DYNC1I1: variants seen among roughly 807,000 people sequenced by gnomAD.
DYNC1I1 encodes dynein cytoplasmic 1 intermediate chain 1.
Under a neutral mutation model 86.6 loss-of-function variants are expected in DYNC1I1, and 43 were observed. That is an observed-to-expected ratio of 0.50 (90% CI 0.39 to 0.64). The LOEUF (loss-of-function observed/expected upper bound fraction) is 0.64, where lower values mean the gene tolerates loss of function less well. DYNC1I1 is among the 30% of genes least tolerant of loss of function. The pLI, the probability that DYNC1I1 is intolerant of heterozygous loss-of-function variation, is 0.00. For synonymous variants in DYNC1I1, 262 were observed against 283.7 expected, an observed-to-expected ratio of 0.92 and a Z score of 0.77; for missense variants, 604 against 788.8, an observed-to-expected ratio of 0.77 and a Z score of 2.81.
At chr7:95,842,889 AAT>A (rs1491151096) in intron 5 of DYNC1I1, among the ~76,000 whole-genome samples, 3 of 108,788 alleles carry the variant, frequency 2.8e-5, no homozygotes, top group African/African-American at 1.6e-4. Flanking sequence ...AGACATTGTG[AAT>A]TTTTTTTTTT....
intron 14 of DYNC1I1, among the ~76,000 whole-genome samples, chr7:96,044,191 GTC>G (rs1297423803): frequency 6.6e-6 from 1 of 152,148 alleles, no homozygotes; most frequent in Non-Finnish European, 1.5e-5. Context: ...ATTGATATTA[GTC>G]TCTCTATCTC....
At chr7:96,094,016 T>G (rs1790924641) in intron 16 of DYNC1I1, among the ~76,000 whole-genome samples, 2 of 152,150 alleles carry the variant, frequency 1.3e-5, no homozygotes, top group African/African-American at 4.8e-5. Context: ...ACAACAGATA[T>G]CAGGAAATGT....
intron 6 of DYNC1I1, among the ~76,000 whole-genome samples, chr7:95,954,539 ATAAAAGCTGAATGC>A (rs1792651904): frequency 1.3e-5 from 2 of 152,118 alleles, no homozygotes; most frequent in African/African-American, 4.8e-5. Context: ...GGCATAAGCA[ATAAAAGCTGAATGC>A]TAAAACTCAA....
At chr7:95,877,641 T>G (rs1790344401) in intron 6 of DYNC1I1, among the ~76,000 whole-genome samples, 2 of 152,202 alleles carry the variant, frequency 1.3e-5, no homozygotes, top group Non-Finnish European at 2.9e-5. Flanking sequence ...AAGAAAAGAC[T>G]GGTAGATGTG....
At chr7:95,925,337 G>A (rs748106967) in intron 6 of DYNC1I1, among the ~76,000 whole-genome samples, 1 of 152,106 alleles carries the variant, frequency 6.6e-6, no homozygotes, top group Non-Finnish European at 1.5e-5. Context: ...GGATCTAATG[G>A]GTTGTCTGAA....
intron 7 of DYNC1I1, among the ~76,000 whole-genome samples, chr7:95,984,330 A>G (rs62467723): frequency 0.096 from 14,634 of 152,212 alleles, 731 homozygotes; most frequent in Admixed American, 0.12. Context: ...ACCATTTAAA[A>G]TAAAATGAAT....
intron 15 of DYNC1I1, among the ~76,000 whole-genome samples, chr7:96,076,744 T>C (rs1298177141): frequency 3.9e-5 from 6 of 152,236 alleles, no homozygotes; most frequent in African/African-American, 1.4e-4. Context: ...AGGCAGACTT[T>C]TACAACAGTC....
downstream of DYNC1I1, among the ~76,000 whole-genome samples, chr7:96,100,368 C>CCTTCCTTCT (rs1563005955): frequency 2.5e-3 from 348 of 141,374 alleles, 1 homozygote; most frequent in African/African-American, 0.01. Flanking sequence ...TCCTTCCTTC[C>CCTTCCTTCT]TTCCTTCCTT....
At position 96,097,634 on chromosome 7, in the gene DYNC1I1, C is replaced by G. The variant is rs1791057047; in HGVS notation, c.*41C>G. On this transcript the variant is annotated 3_prime_UTR_variant, in exon 17 of 17. Coordinates refer to ENST00000447467, the MANE Select transcript of DYNC1I1 (RefSeq NM_001135556.2). ...CCCACTGCAGCCCCCACCTTTGTGT[C>G]CTAGAGCTCAGCGTCTGCAGTCAAG... The G allele has an allele frequency of 1.2e-6, 2 of 1,611,062 alleles. No homozygotes were observed. The highest frequency in any genetic ancestry group is 1.3e-5 in the African/African-American group (1 of 74,842).
intron 6 of DYNC1I1, among the ~76,000 whole-genome samples, chr7:95,962,251 A>T (rs1211605844): frequency 1.3e-5 from 2 of 152,154 alleles, no homozygotes; most frequent in Admixed American, 1.3e-4. Flanking sequence ...GCCCATTCTG[A>T]TGACCCATAG....
At chr7:95,813,657 T>G (rs1437293373) in intron 4 of DYNC1I1, among the ~76,000 whole-genome samples, 1 of 152,190 alleles carries the variant, frequency 6.6e-6, no homozygotes, top group African/African-American at 2.4e-5. Context: ...AGTAGATAAT[T>G]GAATATATAT....
intron 14 of DYNC1I1, among the ~76,000 whole-genome samples, chr7:96,053,229 T>G (rs1314495265): frequency 6.6e-6 from 1 of 152,232 alleles, no homozygotes; most frequent in Non-Finnish European, 1.5e-5. Context: ...TAATAATAAT[T>G]GTAGCTGCAT....
At chr7:96,079,321 C>T (rs892917934) in intron 15 of DYNC1I1, among the ~76,000 whole-genome samples, 28 of 152,034 alleles carry the variant, frequency 1.8e-4, no homozygotes, top group Non-Finnish European at 1.5e-5. Context: ...CCTAGTGGCC[C>T]CCTTTTCACT....
chr7:96,036,632 G>A (rs1794933573), intron 13 of DYNC1I1, among the ~76,000 whole-genome samples: 2 of 152,104 alleles, frequency 1.3e-5, no homozygotes, highest in African/African-American at 4.8e-5. Flanking sequence ...TAAGTGAGGA[G>A]CTAAAAATAT....
chr7:95,942,525 G>A (rs923316927), intron 6 of DYNC1I1, among the ~76,000 whole-genome samples: 1 of 152,152 alleles, frequency 6.6e-6, no homozygotes, highest in African/African-American at 2.4e-5. Context: ...CATTTTATGA[G>A]GCCAGCATCA....
At chr7:95,817,664 G>A (rs951220314) in intron 4 of DYNC1I1, among the ~76,000 whole-genome samples, 14 of 152,054 alleles carry the variant, frequency 9.2e-5, no homozygotes, top group African/African-American at 2.4e-4. Flanking sequence ...CTTTATCCAC[G>A]TAATTACATA....
chr7:95,918,576 T>A (rs947789311), intron 6 of DYNC1I1, among the ~76,000 whole-genome samples: 52 of 152,194 alleles, frequency 3.4e-4, no homozygotes, highest in Non-Finnish European at 2.5e-4. Flanking sequence ...GGTGTGCATG[T>A]GTGTGCCATT....
At chr7:96,028,950 T>C (rs1282650580) in intron 11 of DYNC1I1, among the ~76,000 whole-genome samples, 1 of 152,190 alleles carries the variant, frequency 6.6e-6, no homozygotes, top group Non-Finnish European at 1.5e-5. Flanking sequence ...CAGCAATTGT[T>C]CAGAGGAATG....
intron 14 of DYNC1I1, among the ~76,000 whole-genome samples, chr7:96,040,798 G>A (rs879346247): frequency 2.7e-5 from 4 of 150,370 alleles, no homozygotes; most frequent in Admixed American, 1.3e-4. Flanking sequence ...CTTGGCTCAC[G>A]GCAGCCTCTG....
Sources: gnomAD v4.1 joint callset for allele counts (sites outside exome capture counted in the v4.1 genomes callset) on GRCh38, gnomAD v4.1.1 for gene constraint, MANE v1.5 for transcripts, NCBI Gene and HGNC (gene_info 2026-07-23, HGNC 2026-07-21) for gene names.